CTNND2: variants seen among roughly 807,000 people sequenced by gnomAD.
CTNND2 encodes catenin delta-2.
In CTNND2, 22 loss-of-function variants were observed where a neutral mutation model predicts 144.4. The observed-to-expected ratio is 0.15, with a 90% confidence interval of 0.11 to 0.22. CTNND2 has a LOEUF of 0.22. Among genes scored for constraint, CTNND2 ranks in the 10% least tolerant of loss-of-function variants. The pLI is 1.00. For synonymous variants in CTNND2, 751 were observed against 695.6 expected (o/e 1.08, Z -1.25); for missense variants, 1,353 against 1,618.8 (o/e 0.84, Z 2.82).
At chr5:11,264,836 T>C (rs983784853) in intron 9 of CTNND2, among the ~76,000 whole-genome samples, 3 of 151,988 alleles carry the variant, frequency 2.0e-5, no homozygotes, top group Non-Finnish European at 4.4e-5. Flanking sequence ...GAGGCTGAAA[T>C]GGGAGGATCA....
intron 7 of CTNND2, among the ~76,000 whole-genome samples, chr5:11,382,595 C>CTGTGTGTGTGTGTGTGTGTGTG (rs71582432): frequency 2.2e-4 from 28 of 130,228 alleles, no homozygotes; most frequent in African/African-American, 7.2e-4. Context: ...GAGTGAGACT[C>CTGTGTGTGTGTGTGTGTGTGTG]TGTGTGTGTG....
intron 3 of CTNND2, among the ~76,000 whole-genome samples, chr5:11,458,800 G>T (rs924910566): frequency 1.3e-5 from 2 of 152,130 alleles, no homozygotes; most frequent in African/African-American, 4.8e-5. Flanking sequence ...GCCCAGGCTG[G>T]AGTGCAGTGG....
At chr5:11,146,080 T>C (rs919546448) in intron 12 of CTNND2, among the ~76,000 whole-genome samples, 3 of 152,178 alleles carry the variant, frequency 2.0e-5, no homozygotes, top group Non-Finnish European at 4.4e-5. Context: ...ATGGACTGTT[T>C]TAATGACATT....
At chr5:11,407,561 T>C (rs1361693412) in intron 5 of CTNND2, among the ~76,000 whole-genome samples, 1 of 152,202 alleles carries the variant, frequency 6.6e-6, no homozygotes, top group Non-Finnish European at 1.5e-5. Flanking sequence ...AAGCTTTAAA[T>C]AAAACAAATT....
In CTNND2 at chr5:11,382,646, TAG is replaced by T. The variant is rs1287139228; in HGVS notation, c.1177+2017_1177+2018del. On this transcript the variant is annotated intron_variant, in intron 7 of 21. Transcript: ENST00000304623. ...GTGTGTGTGTGTGTGTGTGTGTGTG[TAG>T]AATGATGAATTAGTGAAAGTCACTA... Among the ~76,000 whole-genome samples, 264 of 141,274 alleles carry T rather than the reference TAG, an allele frequency of 1.9e-3. 1 individual carries two copies. The highest frequency in any genetic ancestry group is 7.2e-3 in the African/African-American group (258 of 35,698). 92.7% of individuals were successfully genotyped at this position (141,274 alleles called of 152,430 possible). A position where few individuals can be genotyped will look rare whatever the true frequency, so the allele number is the denominator to read the frequency against.
At chr5:11,259,542 G>A (rs1394992461) in intron 9 of CTNND2, among the ~76,000 whole-genome samples, 1 of 152,050 alleles carries the variant, frequency 6.6e-6, no homozygotes, top group African/African-American at 2.4e-5. Flanking sequence ...GTCCAGCTAA[G>A]CCCAGTCTAC....
At chr5:11,805,105 G>C (rs1227194097) in intron 1 of CTNND2, among the ~76,000 whole-genome samples, 2 of 152,136 alleles carry the variant, frequency 1.3e-5, no homozygotes, top group African/African-American at 4.8e-5. Flanking sequence ...GAACAATTAA[G>C]TAAAAGGATG....
intron 21 of CTNND2, among the ~76,000 whole-genome samples, chr5:10,980,339 C>T (rs1157007837): frequency 1.3e-5 from 2 of 152,084 alleles, no homozygotes; most frequent in Non-Finnish European, 2.9e-5. Context: ...AAATCAAAAC[C>T]ACAATGAGAT....
chr5:11,394,644 A>G (rs1448091563), intron 6 of CTNND2, among the ~76,000 whole-genome samples: 2 of 152,212 alleles, frequency 1.3e-5, no homozygotes, highest in Non-Finnish European at 2.9e-5. Flanking sequence ...TCAGAGAACA[A>G]ATATTTTATG....
chr5:11,725,854 T>A (rs958086078), intron 2 of CTNND2, among the ~76,000 whole-genome samples: 4 of 152,258 alleles, frequency 2.6e-5, no homozygotes, highest in Non-Finnish European at 4.4e-5. Context: ...TCTAAAATAA[T>A]TCCTGTGTTT....
At chr5:11,894,002 G>A (rs2126308736) in intron 1 of CTNND2, among the ~76,000 whole-genome samples, 1 of 152,118 alleles carries the variant, frequency 6.6e-6, no homozygotes. Flanking sequence ...CAAAAGTTTT[G>A]GGAATCGAGA....
intron 6 of CTNND2, among the ~76,000 whole-genome samples, chr5:11,386,652 T>A (rs1055154177): frequency 6.6e-6 from 1 of 152,210 alleles, no homozygotes; most frequent in South Asian, 2.1e-4. Context: ...GTATATATAT[T>A]TTAAATATTC....
At chr5:11,876,626 C>A (rs1363956469) in intron 1 of CTNND2, among the ~76,000 whole-genome samples, 1 of 152,028 alleles carries the variant, frequency 6.6e-6, no homozygotes, top group Non-Finnish European at 1.5e-5. Flanking sequence ...AGTCCAGTAG[C>A]CTGATCTGGG....
chr5:11,439,981 G>A (rs933374252), intron 3 of CTNND2, among the ~76,000 whole-genome samples: 2 of 151,738 alleles, frequency 1.3e-5, no homozygotes, highest in Non-Finnish European at 2.9e-5. Context: ...GTCCACACTG[G>A]GACATTTCTT....
chr5:11,790,221 T>C (rs1791061226), intron 1 of CTNND2, among the ~76,000 whole-genome samples: 1 of 152,208 alleles, frequency 6.6e-6, no homozygotes. Flanking sequence ...TAAACTTTTT[T>C]TGGTTAATCA....
intron 10 of CTNND2, among the ~76,000 whole-genome samples, chr5:11,202,685 T>C (rs1258760313): frequency 1.3e-5 from 2 of 152,232 alleles, no homozygotes; most frequent in Non-Finnish European, 2.9e-5. Flanking sequence ...GGCCCTGACA[T>C]GGACTCCAGT....
chr5:11,896,617 T>C lies in CTNND2; in HGVS notation c.37+7200A>G, dbSNP rs574580612. Among the ~76,000 whole-genome samples, 8 of 152,236 alleles carry C rather than the reference T, an allele frequency of 5.3e-5. No homozygotes were observed. The South Asian group carries it at 8.3e-4, about 16-fold the overall frequency. ...TCTTTTCAAGAATGGAAAGGCATGC[T>C]TTTCTTCTGCATAATGTAATATATA... On this transcript the variant is annotated intron_variant, in intron 1 of 21. Transcript: ENST00000304623.
intron 2 of CTNND2, among the ~76,000 whole-genome samples, chr5:11,654,345 C>T (rs1034556227): frequency 1.3e-5 from 2 of 152,014 alleles, no homozygotes; most frequent in African/African-American, 2.4e-5. Flanking sequence ...TTTAACAATA[C>T]TAATTATTCC....
chr5:11,535,181 C>T (rs1182679931), intron 3 of CTNND2, among the ~76,000 whole-genome samples: 12 of 143,198 alleles, frequency 8.4e-5, no homozygotes, highest in Non-Finnish European at 1.8e-4. Flanking sequence ...GAGCAATACT[C>T]TGTCTTAAAA....
Sources: allele counts gnomAD v4.1 joint callset (sites outside exome capture counted in the v4.1 genomes callset), GRCh38; gene constraint gnomAD v4.1.1; transcripts MANE v1.5; gene names NCBI Gene and HGNC (gene_info 2026-07-23, HGNC 2026-07-21).